Variants in TMEM255A observed in about 807,000 individuals in gnomAD.
The protein encoded by TMEM255A is transmembrane protein 255A.
TMEM255A carries 14 observed loss-of-function variants against 23.5 expected under a neutral mutation model. The observed-to-expected ratio is 0.60, with a 90% CI of 0.39 to 0.93. The LOEUF (loss-of-function observed/expected upper bound fraction) is 0.93. TMEM255A is among the 40% of genes least tolerant of loss of function. The probability of loss-of-function intolerance (pLI) is 0.00; values close to 1 mark genes in which losing one functional copy is unlikely to be tolerated. For synonymous variants in TMEM255A, 104 were observed against 100.3 expected (o/e 1.04, Z -0.22); for missense variants, 233 against 261.7 (o/e 0.89, Z 0.76).
rs2057867162 is a variant in TMEM255A, at chrX:120,285,418, C to T, written c.424-203G>A. Among the ~76,000 whole-genome samples the T allele has an allele frequency of 2.7e-5, 3 of 111,305 alleles. No homozygotes were observed. In the South Asian group the frequency reaches 1.1e-3, roughly 42 times the overall value. On this transcript the variant is annotated intron_variant, in intron 5 of 8. Transcript: ENST00000371369. ...AGTCACTGTGTAGCTGGGCTCATGT[C>T]CAGCCTCTGCCACAGCCCTCAGTGC... is the stretch of plus-strand genomic sequence containing the variant.
chrX:120,284,084 T>C (rs1420102388), intron 6 of TMEM255A, among the ~76,000 whole-genome samples: 1 of 111,382 alleles, frequency 9.0e-6, no homozygotes, highest in Non-Finnish European at 1.9e-5. Context: ...CACCTACTCT[T>C]TGACACTTTT....
rs2057658735 is a variant in TMEM255A, at chrX:120,259,192, T to G, written c.*1678A>C. On this transcript the variant is annotated 3_prime_UTR_variant, in exon 9 of 9. Transcript: ENST00000371369. ...TGAGTATTACAAGTTGATATTTGTT[T>G]AGTTAGTCAGTTGGGTATTAGTCTC... 1 of 112,613 alleles carries G rather than the reference T, an allele frequency of 8.9e-6. No homozygotes were observed. Among genetic ancestry groups the G allele is most frequent in the Non-Finnish European group, 1.9e-5 (1 of 53,299 alleles). 9.3% of individuals were successfully genotyped at this position (112,613 alleles called of 1,213,427 possible). A position where few individuals can be genotyped will look rare whatever the true frequency, so the allele number is the denominator to read the frequency against.
At chrX:120,257,916 C>A (rs2057648937), downstream of TMEM255A, 1 of 122,923 alleles carries the variant, frequency 8.1e-6, no homozygotes, top group African/African-American at 3.3e-5. Context: ...TGCTAAATTA[C>A]CTGTAAATAT....
downstream of TMEM255A, chrX:120,257,906 T>C (rs2057648816): frequency 8.1e-6 from 1 of 123,342 alleles, no homozygotes; most frequent in African/African-American, 3.2e-5. Context: ...TTTGCTCCTA[T>C]GCTAAATTAC....
intron 6 of TMEM255A, among the ~76,000 whole-genome samples, chrX:120,284,727 A>G (rs2057861406): frequency 9.0e-6 from 1 of 111,387 alleles, no homozygotes; most frequent in Admixed American, 9.5e-5. Flanking sequence ...AGTGTCTAGA[A>G]CAGAGCCAGG....
intron 4 of TMEM255A, among the ~76,000 whole-genome samples, chrX:120,289,303 G>C (rs1304221978): frequency 8.9e-6 from 1 of 111,929 alleles, no homozygotes; most frequent in Non-Finnish European, 1.9e-5. Context: ...TGTACTGCAG[G>C]TCACCAGCAG....
chrX:120,286,255 CT>C (rs1423129192), intron 5 of TMEM255A, among the ~76,000 whole-genome samples: 2 of 112,235 alleles, frequency 1.8e-5, no homozygotes, highest in African/African-American at 3.2e-5. Context: ...ATGGCTTCCC[CT>C]GAAGCTGTGC....
chrX:120,272,403 C>T (rs182535280), intron 7 of TMEM255A, among the ~76,000 whole-genome samples: 108 of 111,428 alleles, frequency 9.7e-4, no homozygotes, highest in Non-Finnish European at 1.5e-3. Context: ...TGCACTGATA[C>T]GGTTTGGATT....
chrX:120,276,020 C>T (rs2057796122), intron 7 of TMEM255A, among the ~76,000 whole-genome samples: 1 of 109,864 alleles, frequency 9.1e-6, no homozygotes, highest in South Asian at 4.0e-4. Context: ...AGTCTCAAAC[C>T]CCTGGGCTTA....
At chrX:120,291,471 T>C (rs781859907) in intron 3 of TMEM255A, 131 bp from the exon 4 acceptor site, 2 of 524,142 alleles carry the variant, frequency 3.8e-6, no homozygotes, top group Non-Finnish European at 6.3e-6. Context: ...ATGCTCTTTT[T>C]GGTCATGCAG....
intron 1 of TMEM255A, among the ~76,000 whole-genome samples, chrX:120,310,739 C>T (rs1321978416): frequency 1.3e-5 from 1 of 74,765 alleles, no homozygotes; most frequent in Non-Finnish European, 2.6e-5. Context: ...GCCCCCCCCC[C>T]CCAATCAGCG....
At chrX:120,279,998 C>CTTTTTTTTTTTT (rs59428362) in intron 6 of TMEM255A, among the ~76,000 whole-genome samples, 26 of 38,191 alleles carry the variant, frequency 6.8e-4, no homozygotes, top group East Asian at 1.0e-3. Flanking sequence ...CCTTTTCTTT[C>CTTTTTTTTTTTT]TTTTTTTTTT....
At chrX:120,265,118 C>T (rs782785454) in intron 8 of TMEM255A, among the ~76,000 whole-genome samples, 7 of 111,545 alleles carry the variant, frequency 6.3e-5, no homozygotes, top group African/African-American at 2.0e-4. Context: ...CTCAGGTGAT[C>T]GCCCGCCTTG....
At position 120,304,482 on chromosome X, in the gene TMEM255A, T is replaced by C. The variant is rs782056672; in HGVS notation, c.68A>G (p.Asn23Ser). 2.8e-5 allele frequency: 34 copies of C among 1,207,827 alleles called. No individual in the cohort carries two copies. Among genetic ancestry groups the C allele is most frequent in the Admixed American group, 6.6e-5 (3 of 45,482 alleles). The change falls in exon 2 of 9, where the codon AAT becomes AGT. Residue 23 changes from asparagine (N) to serine (S), a missense_variant. Coordinates refer to ENST00000371369, the MANE Select transcript of TMEM255A (RefSeq NM_001104544.3). ...MSLPDSMGAF[N>S]RRKRNSIYVT... ...ATAGATGGAGTTTCGTTTCCTCCGATTGAATGCTCCTGAAAGCACAGAGAG... is the reference window on the plus strand; with the variant it reads ...ATAGATGGAGTTTCGTTTCCTCCGACTGAATGCTCCTGAAAGCACAGAGAG...
Position 120,260,755 on chromosome X carries a change from C to T in TMEM255A, c.*115G>A. The T allele has an allele frequency of 2.0e-6, 2 of 992,112 alleles. No homozygotes were observed. Among genetic ancestry groups the T allele is most frequent in the Non-Finnish European group, 2.7e-6 (2 of 735,959 alleles). 81.8% of individuals were successfully genotyped at this position (992,112 alleles called of 1,213,427 possible). The stretch of plus-strand genomic sequence containing the variant: ...CCCTATCTTTCCCTAGCCTGGCAGG[C>T]CATTGTAAAACTTTATGCATAAGAG... On this transcript the variant is annotated 3_prime_UTR_variant, in exon 9 of 9. Coordinates refer to ENST00000371369, the MANE Select transcript of TMEM255A (RefSeq NM_001104544.3).
intron 8 of TMEM255A, among the ~76,000 whole-genome samples, chrX:120,264,926 G>A (rs2057705599): frequency 9.5e-6 from 1 of 105,789 alleles, no homozygotes; most frequent in Non-Finnish European, 1.9e-5. Flanking sequence ...TGCCCAGGCT[G>A]GAGTGCAATG....
chrX:120,304,289 A>G, intron 2 of TMEM255A, 60 bp downstream of exon 2: 2 of 1,118,227 alleles, frequency 1.8e-6, no homozygotes, highest in South Asian at 2.0e-5. Flanking sequence ...CTATCAGAGC[A>G]GAGCCAGAAT....
rs1419138135 is a variant in TMEM255A at position 120,291,346 on chromosome X, G to A, written c.265-6C>T. 8.4e-7 allele frequency: 1 copy of A among 1,196,351 alleles called. No homozygotes were observed. Among genetic ancestry groups the A allele is most frequent in the Non-Finnish European group, 1.1e-6 (1 of 886,098 alleles). ...AACACGATAGAAGCCACCAGCTGTA[G>A]GGGGGAATAAAACAAAAGCGTCTGT... On this transcript the variant is annotated splice_polypyrimidine_tract_variant and splice_region_variant and intron_variant, in intron 3 of 8. Transcript: ENST00000371369.
At chrX:120,290,232 G>A (rs917984863) in intron 4 of TMEM255A, among the ~76,000 whole-genome samples, 6 of 111,985 alleles carry the variant, frequency 5.4e-5, no homozygotes, top group African/African-American at 3.2e-5. Flanking sequence ...GGAATGAGGG[G>A]AAGAGGGGAA....
Sources: allele counts gnomAD v4.1 joint callset (sites outside exome capture counted in the v4.1 genomes callset), GRCh38; gene constraint gnomAD v4.1.1; transcripts MANE v1.5; gene names NCBI Gene and HGNC (gene_info 2026-07-23, HGNC 2026-07-21).